The following SSTR5 variants were observed in gnomAD, a reference collection of about 807,000 sequenced individuals.
SSTR5 encodes the protein somatostatin receptor type 5.
In SSTR5, 1 loss-of-function variant was observed where a neutral mutation model predicts 0.3. The ratio of observed to expected loss-of-function variants is 2.98; its 90% confidence interval spans 1.06 to 14.15. The LOEUF (loss-of-function observed/expected upper bound fraction) is 14.15. Among genes scored for constraint, SSTR5 ranks in the 30% most tolerant of loss-of-function variants. The pLI, the probability that SSTR5 is intolerant of heterozygous loss-of-function variation, is 0.12. For synonymous variants in SSTR5, 256 were observed against 263.1 expected (o/e 0.97, Z 0.26); for missense variants, 516 against 543.2 (o/e 0.95, Z 0.50).
rs1356848740 is a variant in SSTR5 at position 1,079,960 on chromosome 16, G to A, written c.1092G>A (p.Leu364=). 1.2e-6 allele frequency: 2 copies of A among 1,600,888 alleles called. No homozygotes were observed. Among genetic ancestry groups the A allele is most frequent in the East Asian group, 4.5e-5 (2 of 44,506 alleles). ...AANGLMQTSK[L] Reference sequence around the variant, plus strand: ...ACGGGCTTATGCAGACCAGCAAGCTGTGAGAGTGCAGGCGGGGGGTGGGCG... The same window carrying A: ...ACGGGCTTATGCAGACCAGCAAGCTATGAGAGTGCAGGCGGGGGGTGGGCG... Residue 364 remains leucine, a synonymous_variant, in exon 2 of 2, where the codon CTG becomes CTA. Coordinates refer to ENST00000689027, the MANE Select transcript of SSTR5 (RefSeq NM_001172560.3).
intron 1 of SSTR5, among the ~76,000 whole-genome samples, chr16:1,077,210 C>T (rs35975928): frequency 1.2e-4 from 18 of 152,158 alleles, no homozygotes; most frequent in Non-Finnish European, 2.1e-4. Flanking sequence ...GGGTCAGGGC[C>T]GGTCAGCTGA....
At chr16:1,076,430 G>A (rs1241583095) in intron 1 of SSTR5, among the ~76,000 whole-genome samples, 7 of 148,616 alleles carry the variant, frequency 4.7e-5, no homozygotes, top group East Asian at 2.0e-4. Flanking sequence ...GTGGGAATCC[G>A]TCCTGTCTCT....
chr16:1,079,018 G>T lies in SSTR5; in HGVS notation c.150G>T (p.Val50=), dbSNP rs779339470. 2 of 1,604,500 alleles carry T rather than the reference G, an allele frequency of 1.2e-6. No homozygotes were observed. The highest frequency in any genetic ancestry group is 1.7e-6 in the Non-Finnish European group (2 of 1,176,520). ...TGGTGCCCGTGCTGTACCTGCTGGT[G>T]TGTGCGGCCGGGCTGGGCGGGAACA... The part of the protein sequence containing the change: ...AVLVPVLYLL[V]CAAGLGGNTL... Residue 50 remains valine, a synonymous_variant, in exon 2 of 2, where the codon GTG becomes GTT. Transcript: ENST00000689027.
chr16:1,078,624 G>A, intron 1 of SSTR5: 1 of 588,252 alleles, frequency 1.7e-6, no homozygotes, highest in South Asian at 2.0e-5. Context: ...GTCCGTCTGG[G>A]CTCCCGGGGC....
At chr16:1,078,520 G>A in intron 1 of SSTR5, 2 of 381,670 alleles carry the variant, frequency 5.2e-6, no homozygotes, top group South Asian at 2.8e-5. Context: ...AGACGCAGGT[G>A]CTGGCCTCAG....
intron 1 of SSTR5, chr16:1,073,614 A>T (rs1960133908): frequency 6.6e-6 from 1 of 152,294 alleles, no homozygotes. Flanking sequence ...AGAACACGCC[A>T]CTGGGGTGTG....
At position 1,079,634 on chromosome 16, in the gene SSTR5, G is replaced by C; in HGVS notation, c.766G>C (p.Val256Leu). 2 of 1,612,346 alleles carry C rather than the reference G, an allele frequency of 1.2e-6. No homozygotes were observed. The highest frequency in any genetic ancestry group is 1.7e-6 in the Non-Finnish European group (2 of 1,179,366). Reference sequence around the variant, plus strand: ...GCGCATGGTGTTGGTGGTGGTGCTGGTGTTTGCGGGATGTTGGCTGCCCTT... The same window carrying C: ...GCGCATGGTGTTGGTGGTGGTGCTGCTGTTTGCGGGATGTTGGCTGCCCTT... The part of the protein sequence containing the change: ...VTRMVLVVVL[V>L]FAGCWLPFFT... Residue 256 changes from valine to leucine, a missense_variant, in exon 2 of 2, where the codon GTG becomes CTG. Physicochemically the swap from Val to Leu is conservative, Grantham distance 32. Transcript: ENST00000689027.
At position 1,079,973 on chromosome 16, in the gene SSTR5, CG is replaced by C; in HGVS notation, c.*16del. The C allele has an allele frequency of 5.7e-6, 9 of 1,588,862 alleles. No individual in the cohort carries two copies. The highest frequency in any genetic ancestry group is 3.5e-5 in the Admixed American group (2 of 56,800). Reference sequence around the variant, plus strand: ...GACCAGCAAGCTGTGAGAGTGCAGGCGGGGGGTGGGCGGCCCCGTGTCACCC... The same window carrying C: ...GACCAGCAAGCTGTGAGAGTGCAGGCGGGGGTGGGCGGCCCCGTGTCACCC... On this transcript the variant is annotated 3_prime_UTR_variant, in exon 2 of 2. Coordinates refer to ENST00000689027, the MANE Select transcript of SSTR5 (RefSeq NM_001172560.3).
In SSTR5 at chr16:1,079,927, C is replaced by T. The variant is rs772514359; in HGVS notation, c.1059C>T (p.Ala353=). 57 of 1,604,950 alleles carry T rather than the reference C, an allele frequency of 3.6e-5. No individual in the cohort carries two copies. In the Middle Eastern group the frequency reaches 5.0e-4, roughly 14 times the overall value. Residue 353 remains alanine, a synonymous_variant, in exon 2 of 2, where the codon GCC becomes GCT. Transcript: ENST00000689027. The part of the protein sequence containing the change: ...QQEATPPAHR[A]AANGLMQTSK... ...AGGCCACGCCACCCGCGCACCGCGC[C>T]GCAGCCAACGGGCTTATGCAGACCA...
At position 1,081,039 on chromosome 16, in the gene SSTR5, G is replaced by A. The variant is rs562054299; in HGVS notation, c.*1076G>A. ...GAGAGGCAGCGGCCGCGCGGGTGAC[G>A]CAAATGGCAGGCCCTGGGAATCCCG... On this transcript the variant is annotated 3_prime_UTR_variant, in exon 2 of 2. Transcript: ENST00000689027. The A allele has an allele frequency of 2.1e-4, 100 of 470,272 alleles. No homozygotes were observed. Among genetic ancestry groups the A allele is most frequent in the East Asian group, 9.7e-4 (14 of 14,376 alleles). 29.1% of individuals were successfully genotyped at this position (470,272 alleles called of 1,614,324 possible).
rs574882351 is a variant in SSTR5 at position 1,080,234 on chromosome 16, T to C, written c.*271T>C. 1.0e-5 allele frequency: 5 copies of C among 478,262 alleles called. No homozygotes were observed. The East Asian group carries it at 1.7e-4, about 17-fold the overall frequency. 29.6% of individuals were successfully genotyped at this position (478,262 alleles called of 1,614,324 possible). A position where few individuals can be genotyped will look rare whatever the true frequency, so the allele number is the denominator to read the frequency against. On this transcript the variant is annotated 3_prime_UTR_variant, in exon 2 of 2. Transcript: ENST00000689027. ...GGGCTCCGCCATGCCGTGCAAGTGC[T>C]CAGGGCCGCCTCACCCTCCATCTGG...
In SSTR5 at chr16:1,078,879, T is replaced by C. The variant is rs1960273383; in HGVS notation, c.11T>C (p.Leu4Pro). The C allele has an allele frequency of 6.2e-7, 1 of 1,606,124 alleles. No individual in the cohort carries two copies. The highest frequency in any genetic ancestry group is 2.2e-5 in the East Asian group (1 of 44,826). MEP[L>P]FPASTPSWNA... ...CCCAGGGCTGCCGCCATGGAGCCCC[T>C]GTTCCCAGCCTCCACGCCCAGCTGG... The change falls in exon 2 of 2, where the codon CTG becomes CCG. Residue 4 changes from leucine (L) to proline (P), a missense_variant. Coordinates refer to ENST00000689027, the MANE Select transcript of SSTR5 (RefSeq NM_001172560.3).
Position 1,080,377 on chromosome 16 carries a change from C to T in SSTR5, c.*414C>T, listed in dbSNP as rs978527703. Reference sequence around the variant, plus strand: ...CGGCCCACCAGCTGCATGTCAGCTCCGAGCCACCGGGTCCCCGTCCAAGGC... The same window carrying T: ...CGGCCCACCAGCTGCATGTCAGCTCTGAGCCACCGGGTCCCCGTCCAAGGC... On this transcript the variant is annotated 3_prime_UTR_variant, in exon 2 of 2. Coordinates refer to ENST00000689027, the MANE Select transcript of SSTR5 (RefSeq NM_001172560.3). 4.6e-5 allele frequency among the ~76,000 whole-genome samples: 7 copies of T among 152,238 alleles called. No individual in the cohort carries two copies. Among genetic ancestry groups the T allele is most frequent in the African/African-American group, 1.4e-4 (6 of 41,468 alleles).
intron 1 of SSTR5, among the ~76,000 whole-genome samples, chr16:1,074,476 C>T (rs1034656799): frequency 6.6e-6 from 1 of 152,212 alleles, no homozygotes; most frequent in Admixed American, 6.5e-5. Flanking sequence ...AGACCTCCAC[C>T]CAGTCATGGA....
intron 1 of SSTR5, 195 bp from the exon 2 acceptor site, chr16:1,078,647 G>A (rs904359468): frequency 8.7e-5 from 54 of 622,600 alleles, no homozygotes; most frequent in East Asian, 4.8e-4. Flanking sequence ...CCTGCCCGCC[G>A]CTCCTTCCTC....
Position 1,079,010 on chromosome 16 carries a change from C to A in SSTR5, c.142C>A (p.Leu48Met), listed in dbSNP as rs4988483. Reference sequence around the variant, plus strand: ...GGCGGTGCTGGTGCCCGTGCTGTACCTGCTGGTGTGTGCGGCCGGGCTGGG... The same window carrying A: ...GGCGGTGCTGGTGCCCGTGCTGTACATGCTGGTGTGTGCGGCCGGGCTGGG... The part of the protein sequence containing the change: ...ARAVLVPVLY[L>M]LVCAAGLGGN... The change falls in exon 2 of 2, where the codon CTG becomes ATG. Residue 48 changes from leucine to methionine, a missense_variant. Physicochemically the swap from Leu to Met is conservative, Grantham distance 15. Transcript: ENST00000689027. 78,290 of 1,601,838 alleles carry A rather than the reference C, an allele frequency of 0.049. 2,199 individuals are homozygous for A. The highest frequency in any genetic ancestry group is 0.059 in the Middle Eastern group (357 of 6,042).
In SSTR5 at chr16:1,079,593, C is replaced by T. The variant is rs770790521; in HGVS notation, c.725C>T (p.Ser242Leu). ...CGCGTGGGCTGCGTGCGGCGGCGCTCGGAGCGGAAGGTGACGCGCATGGTG... is the reference window on the plus strand; with the variant it reads ...CGCGTGGGCTGCGTGCGGCGGCGCTTGGAGCGGAAGGTGACGCGCATGGTG... ...GVRVGCVRRR[S>L]ERKVTRMVLV... The change falls in exon 2 of 2, where the codon TCG becomes TTG. Residue 242 changes from serine (S) to leucine (L), a missense_variant. By Grantham distance (145) the Ser-to-Leu change is moderately radical. Transcript: ENST00000689027. The T allele has an allele frequency of 1.2e-5, 19 of 1,611,046 alleles. No individual in the cohort carries two copies. The highest frequency in any genetic ancestry group is 1.7e-5 in the Admixed American group (1 of 59,880).
At chr16:1,074,879 C>T (rs537876651) in intron 1 of SSTR5, among the ~76,000 whole-genome samples, 6 of 152,318 alleles carry the variant, frequency 3.9e-5, no homozygotes, top group South Asian at 4.1e-4. Flanking sequence ...CTACAGTTTG[C>T]AGGAGTTGCC....
At chr16:1,078,398 C>T (rs909918705) in intron 1 of SSTR5, 4 of 176,364 alleles carry the variant, frequency 2.3e-5, no homozygotes, top group African/African-American at 7.2e-5. Context: ...CATCTCTCTC[C>T]ACTGCCACCT....
Sources: gnomAD v4.1 joint callset for allele counts (sites outside exome capture counted in the v4.1 genomes callset) on GRCh38, gnomAD v4.1.1 for gene constraint, MANE v1.5 for transcripts, NCBI Gene and HGNC (gene_info 2026-07-23, HGNC 2026-07-21) for gene names.